CLDN16: variants seen among roughly 807,000 people sequenced by gnomAD.
CLDN16 encodes the protein claudin 16.
Under a neutral mutation model 24.6 loss-of-function variants are expected in CLDN16, and 13 were observed. The observed-to-expected ratio is 0.53, with a 90% confidence interval of 0.34 to 0.84. The LOEUF (loss-of-function observed/expected upper bound fraction) is 0.84. CLDN16 is among the 40% of genes least tolerant of loss of function. The pLI is 0.01. For synonymous variants in CLDN16, 116 were observed against 106.7 expected (o/e 1.09, Z -0.54); for missense variants, 298 against 292.7 (o/e 1.02, Z -0.13).
the CLDN16 span, among the ~76,000 whole-genome samples, chr3:190,299,472 TTTTG>T: frequency 6.6e-6 from 1 of 152,210 alleles, no homozygotes; most frequent in Middle Eastern, 3.4e-3. Flanking sequence ...TTTTTTAAGG[TTTTG>T]TTTTTGTGTC....
chr3:190,378,210 C>T (rs192713371), intron 3 of CLDN16, among the ~76,000 whole-genome samples: 2 of 151,900 alleles, frequency 1.3e-5, no homozygotes, highest in East Asian at 1.9e-4. Context: ...GAAAAGGTCA[C>T]GTATGAATGA....
chr3:190,310,884 T>C, the CLDN16 span, among the ~76,000 whole-genome samples: 1 of 152,234 alleles, frequency 6.6e-6, no homozygotes, highest in Non-Finnish European at 1.5e-5. Flanking sequence ...CATGGCATTT[T>C]ATATTCAATG....
At chr3:190,391,778 T>C (rs1441472459) in intron 1 of CLDN16, among the ~76,000 whole-genome samples, 1 of 152,096 alleles carries the variant, frequency 6.6e-6, no homozygotes, top group Non-Finnish European at 1.5e-5. Flanking sequence ...TAGGTAAAAA[T>C]GCTAGGAAAG....
chr3:190,326,915 A>T (rs1382362192), intron 1 of CLDN16, among the ~76,000 whole-genome samples: 2 of 152,220 alleles, frequency 1.3e-5, no homozygotes, highest in Non-Finnish European at 2.9e-5. Flanking sequence ...TACTAGAAAC[A>T]TTCAACTGAT....
At position 190,341,991 on chromosome 3, in the gene CLDN16, A is replaced by G. The variant is rs548312079; in HGVS notation, n.121+19330A>G. Among the ~76,000 whole-genome samples, 3 of 152,252 alleles carry G rather than the reference A, an allele frequency of 2.0e-5. No homozygotes were observed. The South Asian group carries it at 6.2e-4, about 32-fold the overall frequency. On this transcript the variant is annotated intron_variant and non_coding_transcript_variant, in intron 1 of 4. Transcript: ENST00000468220. ...AAGGTCCTTATTTCCATCTGAAACC[A>G]CCTGAGCCTGGACTTTATTTTCCAT...
chr3:190,326,116 T>C (rs968133302), intron 1 of CLDN16, among the ~76,000 whole-genome samples: 3 of 152,166 alleles, frequency 2.0e-5, no homozygotes, highest in Admixed American at 6.5e-5. Flanking sequence ...GTGACTCACA[T>C]TTTTTCTTCT....
the CLDN16 span, among the ~76,000 whole-genome samples, chr3:190,298,588 T>C: frequency 6.6e-6 from 1 of 152,064 alleles, no homozygotes; most frequent in African/African-American, 2.4e-5. Flanking sequence ...CCCAAGTAGC[T>C]GGAATTACAG....
In CLDN16 at chr3:190,365,597, C is replaced by T. The variant is rs191819566; in HGVS notation, n.122-5296C>T. The stretch of plus-strand genomic sequence containing the variant: ...GCCTCACAACTCTAATACTATTTTC[C>T]AGGATCCTTGACCAAGTATTAAATC... On this transcript the variant is annotated intron_variant and non_coding_transcript_variant, in intron 1 of 4. Coordinates refer to the CLDN16 transcript ENST00000468220. Among the ~76,000 whole-genome samples the T allele has an allele frequency of 2.3e-3, 351 of 149,886 alleles. 1 individual carries two copies. Among genetic ancestry groups the T allele is most frequent in the Non-Finnish European group, 4.2e-3 (285 of 67,494 alleles).
At chr3:190,316,395 G>A in the CLDN16 span, among the ~76,000 whole-genome samples, 3 of 152,154 alleles carry the variant, frequency 2.0e-5, no homozygotes, top group Non-Finnish European at 4.4e-5. Flanking sequence ...AGTTATATGT[G>A]AGGAAAATGC....
Position 190,408,170 on chromosome 3 carries a change from C to T in CLDN16, c.383-144C>T, listed in dbSNP as rs999315100. Reference sequence around the variant, plus strand: ...CAAAAGGAAGAGACAGAAGAAGTGTCCGAAGTTCGGGTTGCCCATGAATCC... The same window carrying T: ...CAAAAGGAAGAGACAGAAGAAGTGTTCGAAGTTCGGGTTGCCCATGAATCC... On this transcript the variant is annotated intron_variant, in intron 3 of 4. Coordinates refer to ENST00000264734, the MANE Select transcript of CLDN16 (RefSeq NM_006580.4). The T allele has an allele frequency of 3.5e-5, 28 of 796,168 alleles. No individual in the cohort carries two copies. The Admixed American group carries it at 4.7e-4, about 13-fold the overall frequency. 49.3% of individuals were successfully genotyped at this position (796,168 alleles called of 1,614,324 possible).
At chr3:190,314,642 G>C in the CLDN16 span, among the ~76,000 whole-genome samples, 1 of 151,826 alleles carries the variant, frequency 6.6e-6, no homozygotes, top group Non-Finnish European at 1.5e-5. Flanking sequence ...GAGTTCAGGT[G>C]GTCTGCCCAC....
At chr3:190,341,496 G>A (rs377718467) in intron 1 of CLDN16, among the ~76,000 whole-genome samples, 1 of 152,132 alleles carries the variant, frequency 6.6e-6, no homozygotes, top group East Asian at 1.9e-4. Context: ...AGGGTACCAA[G>A]TCCCTAGGCT....
At chr3:190,408,634 A>G in intron 4 of CLDN16, 129 bp downstream of exon 4, 1 of 869,286 alleles carries the variant, frequency 1.2e-6, no homozygotes, top group Non-Finnish European at 1.8e-6. Context: ...TAAAAATTCC[A>G]ATTGTTCAAG....
chr3:190,313,303 A>G, the CLDN16 span: 1 of 461,936 alleles, frequency 2.2e-6, no homozygotes, highest in South Asian at 2.3e-5. Flanking sequence ...CAACTGGAAA[A>G]TTAATTAATG....
chr3:190,361,387 G>A (rs558640432), intron 1 of CLDN16, among the ~76,000 whole-genome samples: 1 of 151,938 alleles, frequency 6.6e-6, no homozygotes, highest in East Asian at 1.9e-4. Context: ...AGCTGTTCTT[G>A]TTCATTCCTG....
At chr3:190,310,521 G>A in the CLDN16 span, among the ~76,000 whole-genome samples, 1 of 152,070 alleles carries the variant, frequency 6.6e-6, no homozygotes, top group South Asian at 2.1e-4. Flanking sequence ...GAAACAATTA[G>A]GCAGGTGTAT....
chr3:190,344,423 A>G (rs1023776307), intron 1 of CLDN16, among the ~76,000 whole-genome samples: 10 of 151,858 alleles, frequency 6.6e-5, no homozygotes, highest in Admixed American at 2.6e-4. Flanking sequence ...TGATAGATTT[A>G]ATGTGTATAT....
At chr3:190,311,081 T>C in the CLDN16 span, among the ~76,000 whole-genome samples, 2 of 152,198 alleles carry the variant, frequency 1.3e-5, no homozygotes, top group African/African-American at 2.4e-5. Context: ...TCCAATGTAA[T>C]TGCCTCTAGA....
At chr3:190,400,981 G>T (rs1004979514) in intron 1 of CLDN16, among the ~76,000 whole-genome samples, 1 of 152,070 alleles carries the variant, frequency 6.6e-6, no homozygotes, top group South Asian at 2.1e-4. Flanking sequence ...TTCCTCATTT[G>T]TAAAATGGAT....
Sources: gnomAD v4.1 joint callset for allele counts (sites outside exome capture counted in the v4.1 genomes callset) on GRCh38, gnomAD v4.1.1 for gene constraint, MANE v1.5 for transcripts, NCBI Gene and HGNC (gene_info 2026-07-23, HGNC 2026-07-21) for gene names.